The following CTXND2 variants were observed in gnomAD, a reference collection of about 807,000 sequenced individuals.
CTXND2 encodes cortexin domain containing 2.
At chr1:150,912,112 G>T in intron 1 of CTXND2, 130 bp from the exon 2 acceptor site, 1 of 380,762 alleles carries the variant, frequency 2.6e-6, no homozygotes, top group Non-Finnish European at 4.6e-6. Context: ...TATCAGTTTT[G>T]TAACTGCTTC....
intron 1 of CTXND2, among the ~76,000 whole-genome samples, chr1:150,903,454 A>G (rs1669077950): frequency 6.6e-6 from 1 of 151,884 alleles, no homozygotes; most frequent in African/African-American, 2.4e-5. Flanking sequence ...ACTTTTTTTT[A>G]ATTAAAAGAT....
chr1:150,907,704 C>CTTTTTTTTTTTTTTTTTTTTTTT, intron 1 of CTXND2, among the ~76,000 whole-genome samples: 1 of 71,460 alleles, frequency 1.4e-5, no homozygotes, highest in Non-Finnish European at 2.5e-5. Flanking sequence ...CATATGGTGG[C>CTTTTTTTTTTTTTTTTTTTTTTT]TTTTTTTTTT....
At chr1:150,908,095 C>G (rs1669184534) in intron 1 of CTXND2, among the ~76,000 whole-genome samples, 1 of 151,532 alleles carries the variant, frequency 6.6e-6, no homozygotes. Context: ...TGCAGCCTCC[C>G]AGGCTCAGGT....
chr1:150,902,432 G>T (rs1009853190), intron 1 of CTXND2, among the ~76,000 whole-genome samples: 1 of 151,994 alleles, frequency 6.6e-6, no homozygotes, highest in South Asian at 2.1e-4. Context: ...GCTGGGCATG[G>T]TGGCACACGC....
At chr1:150,902,084 G>C (rs1669048123) in intron 1 of CTXND2, among the ~76,000 whole-genome samples, 1 of 151,996 alleles carries the variant, frequency 6.6e-6, no homozygotes, top group African/African-American at 2.4e-5. Flanking sequence ...TGGCCAACAT[G>C]GTGAAACTCC....
intron 1 of CTXND2, among the ~76,000 whole-genome samples, chr1:150,908,745 C>T (rs1024308667): frequency 1.3e-5 from 2 of 151,472 alleles, no homozygotes; most frequent in East Asian, 2.0e-4. Context: ...GCCTCAGCCT[C>T]TCCAGTAGCT....
At chr1:150,894,390 C>A (rs192992086) in intron 1 of CTXND2, among the ~76,000 whole-genome samples, 56 of 152,202 alleles carry the variant, frequency 3.7e-4, no homozygotes, top group Non-Finnish European at 7.5e-4. Flanking sequence ...ATAAATCAAG[C>A]TTGTTAATTG....
chr1:150,900,955 A>C (rs1266409538), intron 1 of CTXND2, among the ~76,000 whole-genome samples: 1 of 152,106 alleles, frequency 6.6e-6, no homozygotes, highest in Admixed American at 6.6e-5. Flanking sequence ...TCTCTACATA[A>C]AAATAAATTA....
chr1:150,906,563 G>T (rs969693425), intron 1 of CTXND2, among the ~76,000 whole-genome samples: 10 of 152,314 alleles, frequency 6.6e-5, no homozygotes, highest in Non-Finnish European at 8.8e-5. Context: ...TCAGGTTGGA[G>T]TAAAGCATGG....
intron 1 of CTXND2, among the ~76,000 whole-genome samples, chr1:150,893,284 A>G (rs11204739): frequency 0.34 from 51,987 of 151,930 alleles, 9,411 homozygotes; most frequent in South Asian, 0.53. Flanking sequence ...TGTGAATAGT[A>G]AACTTTTGTT....
chr1:150,889,224 A>G (rs1668813789), intron 1 of CTXND2, among the ~76,000 whole-genome samples: 1 of 151,934 alleles, frequency 6.6e-6, no homozygotes, highest in Non-Finnish European at 1.5e-5. Context: ...CCTGGCTAAC[A>G]GGATGAGACC....
At chr1:150,896,620 C>T (rs1668916402) in intron 1 of CTXND2, among the ~76,000 whole-genome samples, 1 of 152,172 alleles carries the variant, frequency 6.6e-6, no homozygotes, top group South Asian at 2.1e-4. Context: ...ACTACTATAA[C>T]ACTATTTCCT....
At chr1:150,912,272 G>C in exon 2 of CTXND2, 1 of 398,500 alleles carries the variant, frequency 2.5e-6, no homozygotes, top group Non-Finnish European at 4.4e-6. Flanking sequence ...TATACCTGAG[G>C]AATTAGCTGG....
At chr1:150,910,630 A>ATTTTT (rs200364038) in intron 1 of CTXND2, among the ~76,000 whole-genome samples, 22 of 129,878 alleles carry the variant, frequency 1.7e-4, no homozygotes, top group African/African-American at 5.9e-4. Flanking sequence ...TGGACTCTCA[A>ATTTTT]TTTTTTTTTT....
chr1:150,892,520 T>G (rs1668863978), intron 1 of CTXND2, among the ~76,000 whole-genome samples: 1 of 120,074 alleles, frequency 8.3e-6, no homozygotes, highest in Non-Finnish European at 1.8e-5. Context: ...TGTCTTATTC[T>G]TCTTCTTCTT....
intron 1 of CTXND2, among the ~76,000 whole-genome samples, chr1:150,897,725 G>A (rs587640966): frequency 1.3e-5 from 2 of 152,268 alleles, no homozygotes; most frequent in East Asian, 3.9e-4. Context: ...GAAAGGACAA[G>A]ATACATAAAC....
At position 150,912,635 on chromosome 1, in the gene CTXND2, G is replaced by T. The variant is rs587667255; in HGVS notation, c.*153G>T. 1.0e-5 allele frequency: 4 copies of T among 396,084 alleles called. No individual in the cohort carries two copies. In the South Asian group the frequency reaches 5.7e-4, roughly 57 times the overall value. 24.5% of individuals were successfully genotyped at this position (396,084 alleles called of 1,614,324 possible). On this transcript the variant is annotated 3_prime_UTR_variant, in exon 2 of 2. Transcript: ENST00000636087. Reference sequence around the variant, plus strand: ...AGCCAGTTTGTATTGTTCCTGTTCAGGGAAATGGCTACTAAAGTGAGATAA... The same window carrying T: ...AGCCAGTTTGTATTGTTCCTGTTCATGGAAATGGCTACTAAAGTGAGATAA...
At chr1:150,900,559 A>G (rs1668996560) in intron 1 of CTXND2, among the ~76,000 whole-genome samples, 1 of 152,200 alleles carries the variant, frequency 6.6e-6, no homozygotes, top group South Asian at 2.1e-4. Context: ...CAGGCTGGAG[A>G]ATCACTTGAA....
chr1:150,909,673 T>G (rs903151327), intron 1 of CTXND2, among the ~76,000 whole-genome samples: 1 of 152,206 alleles, frequency 6.6e-6, no homozygotes, highest in Admixed American at 6.6e-5. Context: ...TTTAAGTTTA[T>G]CTTTGTATGT....
Sources: gnomAD v4.1 joint callset for allele counts (sites outside exome capture counted in the v4.1 genomes callset) on GRCh38, gnomAD v4.1.1 for gene constraint, MANE v1.5 for transcripts, NCBI Gene and HGNC (gene_info 2026-07-23, HGNC 2026-07-21) for gene names.